RELN: variants seen among roughly 807,000 people sequenced by gnomAD.
RELN encodes reelin.
Under a neutral mutation model 427.6 loss-of-function variants are expected in RELN, and 108 were observed. That is an observed-to-expected ratio of 0.25 (90% CI 0.22 to 0.30). The LOEUF is 0.30. RELN is among the 10% of genes least tolerant of loss of function. The pLI, the probability that RELN is intolerant of heterozygous loss-of-function variation, is 1.00. For synonymous variants in RELN, 1,524 were observed against 1,513.4 expected (o/e 1.01, Z -0.16); for missense variants, 3,715 against 4,302.8 (o/e 0.86, Z 3.82).
At chr7:103,730,159 C>T (rs1790317554) in intron 6 of RELN, among the ~76,000 whole-genome samples, 1 of 152,050 alleles carries the variant, frequency 6.6e-6, no homozygotes, top group Non-Finnish European at 1.5e-5. Flanking sequence ...TGGCTATCTG[C>T]CATTTGTCTC....
At chr7:103,677,410 TAATA>T (rs1833557737) in intron 11 of RELN, among the ~76,000 whole-genome samples, 2 of 57,938 alleles carry the variant, frequency 3.5e-5, no homozygotes, top group African/African-American at 1.9e-4. Flanking sequence ...TAAAGTATAA[TAATA>T]ATAATAATAA....
At position 103,553,766 on chromosome 7, in the gene RELN, C is replaced by T. The variant is rs1183300433; in HGVS notation, c.5863G>A (p.Val1955Met). ...AAATCAAATGTATCCAAGAGCATCA[C>T]AGGGTTGTTTACATTATTTCCATCG... is the stretch of plus-strand genomic sequence containing the variant. The part of the protein sequence containing the change: ...IIDGNNVNNP[V>M]MLLDTFDFGP... Residue 1955 changes from valine to methionine, a missense_variant, in exon 39 of 65, where the codon GTG (valine) becomes ATG (methionine). Val to Met is a conservative substitution (Grantham distance 21). Transcript: ENST00000428762. 3 of 1,613,986 alleles carry T rather than the reference C, an allele frequency of 1.9e-6. No individual in the cohort carries two copies. The highest frequency in any genetic ancestry group is 4.5e-5 in the East Asian group (2 of 44,874).
intron 3 of RELN, among the ~76,000 whole-genome samples, chr7:103,814,455 T>C (rs149898150): frequency 1.2e-3 from 189 of 152,338 alleles, no homozygotes; most frequent in African/African-American, 4.4e-3. Flanking sequence ...AATATAGTTA[T>C]CTGCAAGTAA....
intron 48 of RELN, among the ~76,000 whole-genome samples, chr7:103,520,555 C>T (rs1259549182): frequency 2.6e-5 from 4 of 152,194 alleles, no homozygotes; most frequent in Admixed American, 6.5e-5. Context: ...GGATTACAGG[C>T]GTGAGCCACC....
intron 2 of RELN, among the ~76,000 whole-genome samples, chr7:103,853,744 T>C (rs911600249): frequency 1.3e-5 from 2 of 152,028 alleles, no homozygotes; most frequent in Admixed American, 1.3e-4. Context: ...ATACAAAATA[T>C]GTTAGAACAT....
intron 2 of RELN, among the ~76,000 whole-genome samples, chr7:103,885,561 C>A (rs536507226): frequency 6.6e-6 from 1 of 151,912 alleles, no homozygotes; most frequent in Admixed American, 6.6e-5. Context: ...ACACAAGGAA[C>A]GGAACATCAC....
At chr7:103,933,010 A>C (rs1384734293) in intron 1 of RELN, among the ~76,000 whole-genome samples, 1 of 152,170 alleles carries the variant, frequency 6.6e-6, no homozygotes, top group African/African-American at 2.4e-5. Flanking sequence ...GTAAATGTGC[A>C]ACAACTGCCC....
chr7:103,911,662 T>A (rs536039643), intron 2 of RELN, among the ~76,000 whole-genome samples: 31 of 148,784 alleles, frequency 2.1e-4, no homozygotes, highest in African/African-American at 7.2e-4. Flanking sequence ...CACCATGGAA[T>A]ACTATGCAGC....
intron 20 of RELN, among the ~76,000 whole-genome samples, chr7:103,621,988 C>T (rs1832230832): frequency 6.6e-6 from 1 of 152,106 alleles, no homozygotes; most frequent in Non-Finnish European, 1.5e-5. Context: ...TGCACTCCAG[C>T]CTGGGCAACA....
At chr7:103,792,739 A>T (rs1367044455) in intron 3 of RELN, among the ~76,000 whole-genome samples, 1 of 152,082 alleles carries the variant, frequency 6.6e-6, no homozygotes, top group East Asian at 1.9e-4. Context: ...GATATACTAA[A>T]AGCCACCTAA....
intron 20 of RELN, among the ~76,000 whole-genome samples, chr7:103,613,213 G>C (rs1313133558): frequency 6.6e-6 from 1 of 152,118 alleles, no homozygotes; most frequent in African/African-American, 2.4e-5. Flanking sequence ...AGCTTTGCCT[G>C]ACTCTAAAGC....
Position 103,728,162 on chromosome 7 carries a change from A to T in RELN, c.702T>A (p.Ile234=). 1 of 1,613,892 alleles carries T rather than the reference A, an allele frequency of 6.2e-7. No individual in the cohort carries two copies. Among genetic ancestry groups the T allele is most frequent in the Non-Finnish European group, 8.5e-7 (1 of 1,179,892 alleles). Residue 234 remains isoleucine (I), a synonymous_variant, in exon 7 of 65, where the codon ATT becomes ATA. Coordinates refer to ENST00000428762, the MANE Select transcript of RELN (RefSeq NM_005045.4). ...AGAAGGTGACGGCATTGCCATGCATAATCGCGCCACACTGTTCTCCAGTCT... is the reference window on the plus strand; with the variant it reads ...AGAAGGTGACGGCATTGCCATGCATTATCGCGCCACACTGTTCTCCAGTCT... ...NCETGEQCGA[I]MHGNAVTFCE... is the part of the protein sequence containing the mutation.
At chr7:103,899,747 A>AG (rs1247016373) in intron 2 of RELN, among the ~76,000 whole-genome samples, 2 of 151,944 alleles carry the variant, frequency 1.3e-5, no homozygotes, top group Non-Finnish European at 1.5e-5. Flanking sequence ...AAAATTCAAC[A>AG]CCCTTCATGC....
chr7:103,506,619 A>G (rs111644195), intron 51 of RELN, among the ~76,000 whole-genome samples: 199 of 148,018 alleles, frequency 1.3e-3, no homozygotes, highest in African/African-American at 4.9e-3. Flanking sequence ...ACCAAATTGT[A>G]AAGACCATTG....
chr7:103,858,910 C>G (rs77051234), intron 2 of RELN, among the ~76,000 whole-genome samples: 1 of 152,146 alleles, frequency 6.6e-6, no homozygotes, highest in African/African-American at 2.4e-5. Flanking sequence ...AACTCCTGTA[C>G]ATTTTACTAT....
intron 2 of RELN, among the ~76,000 whole-genome samples, chr7:103,900,022 T>A (rs10458286): frequency 0.13 from 20,466 of 152,032 alleles, 1,745 homozygotes; most frequent in East Asian, 0.32. Context: ...CTGTTTGCAG[T>A]TGACATGATT....
intron 1 of RELN, among the ~76,000 whole-genome samples, chr7:103,926,623 A>G (rs1390694497): frequency 2.8e-5 from 4 of 143,454 alleles, no homozygotes; most frequent in Non-Finnish European, 3.0e-5. Flanking sequence ...CTAAAGTATC[A>G]TAAGTTTTTT....
intron 12 of RELN, among the ~76,000 whole-genome samples, chr7:103,659,712 T>C (rs1005864403): frequency 3.3e-5 from 5 of 152,142 alleles, no homozygotes; most frequent in Non-Finnish European, 7.4e-5. Flanking sequence ...AGATGGTACT[T>C]GTGGGTGGGA....
chr7:103,745,397 T>C (rs1350215588), intron 6 of RELN, among the ~76,000 whole-genome samples: 1 of 150,940 alleles, frequency 6.6e-6, no homozygotes, highest in African/African-American at 2.5e-5. Flanking sequence ...TTCAACATGG[T>C]GTTGGAAGTT....
Sources: allele counts gnomAD v4.1 joint callset (sites outside exome capture counted in the v4.1 genomes callset), GRCh38; gene constraint gnomAD v4.1.1; transcripts MANE v1.5; gene names NCBI Gene and HGNC (gene_info 2026-07-23, HGNC 2026-07-21).